The following TANGO6 variants were observed in gnomAD, a reference collection of about 807,000 sequenced individuals.
TANGO6 encodes the protein transport and Golgi organization protein 6 homolog.
A neutral mutation model predicts 114.2 loss-of-function variants in TANGO6; 90 were observed. That is an observed-to-expected ratio of 0.79 (90% CI 0.66 to 0.94). TANGO6 has a LOEUF of 0.94. Among genes scored for constraint, TANGO6 ranks in the 40% least tolerant of loss-of-function variants. The pLI, the probability that TANGO6 is intolerant of heterozygous loss-of-function variation, is 0.00. For missense variants in TANGO6, 1,274 were observed against 1,315.3 expected (o/e 0.97, Z 0.49); for synonymous variants, 477 against 509.8 (o/e 0.94, Z 0.87).
At chr16:69,054,940 C>CAAAA (rs35840863) in intron 17 of TANGO6, among the ~76,000 whole-genome samples, 3 of 68,904 alleles carry the variant, frequency 4.4e-5, no homozygotes, top group East Asian at 4.7e-4. Flanking sequence ...GACTCCGTCT[C>CAAAA]AAAAAAAAAA....
At chr16:68,959,660 C>T (rs1164177383) in intron 14 of TANGO6, among the ~76,000 whole-genome samples, 1 of 152,222 alleles carries the variant, frequency 6.6e-6, no homozygotes, top group African/African-American at 2.4e-5. Context: ...CACCTTGCCT[C>T]TGTCACTGGC....
chr16:68,898,267 G>A (rs996747921), intron 7 of TANGO6, among the ~76,000 whole-genome samples: 1 of 152,168 alleles, frequency 6.6e-6, no homozygotes, highest in Non-Finnish European at 1.5e-5. Context: ...TCATGCACAG[G>A]AAGCTGGCTC....
intron 17 of TANGO6, among the ~76,000 whole-genome samples, chr16:69,061,636 C>CA (rs1165083337): frequency 1.3e-5 from 2 of 152,110 alleles, no homozygotes; most frequent in Non-Finnish European, 2.9e-5. Flanking sequence ...TCCTTTAGTT[C>CA]ATCCCCTCTG....
rs75656653 is a variant in TANGO6 at position 69,007,746 on chromosome 16, A to T, written c.2843-15082A>T. On this transcript the variant is annotated intron_variant, in intron 15 of 17. Transcript: ENST00000261778. ...TTGAGGAACTGCCAAACTGTTTTCC[A>T]AAGTTTTCCATTTTACATTTTCACC... is the stretch of plus-strand genomic sequence containing the variant. Among the ~76,000 whole-genome samples, 778 of 152,124 alleles carry T rather than the reference A, an allele frequency of 5.1e-3. 9 individuals are homozygous for T. Among genetic ancestry groups the T allele is most frequent in the African/African-American group, 0.018 (750 of 41,396 alleles).
At chr16:68,977,846 C>A (rs557096128) in intron 15 of TANGO6, among the ~76,000 whole-genome samples, 17 of 151,522 alleles carry the variant, frequency 1.1e-4, no homozygotes, top group Non-Finnish European at 2.1e-4. Flanking sequence ...CCACCACGCC[C>A]GGCTAATTTT....
At chr16:69,082,421 G>C (rs1960478859) in intron 17 of TANGO6, among the ~76,000 whole-genome samples, 1 of 152,022 alleles carries the variant, frequency 6.6e-6, no homozygotes, top group South Asian at 2.1e-4. Context: ...GATTTTTAAA[G>C]TAGGGGCAAG....
At chr16:68,954,087 A>G (rs957939029) in intron 14 of TANGO6, among the ~76,000 whole-genome samples, 4 of 151,558 alleles carry the variant, frequency 2.6e-5, no homozygotes, top group African/African-American at 7.3e-5. Context: ...TAAAAATACA[A>G]AAAAAAAGAA....
At chr16:68,905,848 A>C (rs1469128367) in intron 9 of TANGO6, among the ~76,000 whole-genome samples, 1 of 151,660 alleles carries the variant, frequency 6.6e-6, no homozygotes, top group Non-Finnish European at 1.5e-5. Flanking sequence ...ACTCCAGCCT[A>C]GGCAATGAGT....
intron 14 of TANGO6, among the ~76,000 whole-genome samples, chr16:68,936,487 C>T (rs896220476): frequency 6.6e-6 from 1 of 152,098 alleles, no homozygotes; most frequent in Non-Finnish European, 1.5e-5. Flanking sequence ...TGCCCACCAC[C>T]ATGCCCGGCT....
At position 68,875,385 on chromosome 16, in the gene TANGO6, G is replaced by C. The variant is rs184389000; in HGVS notation, c.1131+95G>C. On this transcript the variant is annotated intron_variant, in intron 5 of 17. Transcript: ENST00000261778. ...TTCCTCTAGTATTGAGATAAAAGCAGTATAATATTTAAGTTTATTGTTTAG... is the reference window on the plus strand; with the variant it reads ...TTCCTCTAGTATTGAGATAAAAGCACTATAATATTTAAGTTTATTGTTTAG... 110 of 1,400,934 alleles carry C rather than the reference G, an allele frequency of 7.9e-5. 1 individual carries two copies. The East Asian group carries it at 1.2e-3, about 16-fold the overall frequency. The allele number at this position is 1,400,934 out of a possible 1,614,324, so 86.8% of individuals were successfully genotyped here. A position where few individuals can be genotyped will look rare whatever the true frequency, so the allele number is the denominator to read the frequency against.
chr16:68,908,942 A>C (rs1368924765), intron 10 of TANGO6, among the ~76,000 whole-genome samples: 1 of 152,194 alleles, frequency 6.6e-6, no homozygotes, highest in Non-Finnish European at 1.5e-5. Flanking sequence ...TTTTTCACTC[A>C]GTAGTGTTTT....
chr16:68,992,112 T>C (rs933672062), intron 15 of TANGO6, among the ~76,000 whole-genome samples: 1 of 152,168 alleles, frequency 6.6e-6, no homozygotes, highest in African/African-American at 2.4e-5. Flanking sequence ...CTTATAAATA[T>C]ATGAGTATCA....
intron 17 of TANGO6, among the ~76,000 whole-genome samples, chr16:69,043,132 A>G (rs1396564941): frequency 6.6e-6 from 1 of 152,162 alleles, no homozygotes; most frequent in African/African-American, 2.4e-5. Flanking sequence ...AGGCTGAGGC[A>G]GGAGAATCAC....
chr16:68,995,365 C>T (rs1963981957), intron 15 of TANGO6, among the ~76,000 whole-genome samples: 1 of 152,168 alleles, frequency 6.6e-6, no homozygotes, highest in Non-Finnish European at 1.5e-5. Flanking sequence ...GAAATCTATC[C>T]AGGGACTACC....
At chr16:68,991,342 A>C (rs1190798397) in intron 15 of TANGO6, among the ~76,000 whole-genome samples, 1 of 151,986 alleles carries the variant, frequency 6.6e-6, no homozygotes, top group Non-Finnish European at 1.5e-5. Context: ...TGGGCTGGGC[A>C]TGATGGCTCA....
Position 68,927,616 on chromosome 16 carries a change from G to T in TANGO6, c.2176G>T (p.Glu726Ter). 1 of 1,613,910 alleles carries T rather than the reference G, an allele frequency of 6.2e-7. No individual in the cohort carries two copies. The highest frequency in any genetic ancestry group is 2.2e-5 in the East Asian group (1 of 44,890). Reference protein sequence around the residue: ...AVLKQLLPLLEKVSNTYPDPV... With the variant: ...AVLKQLLPLL ...TCTGAAGCAGTTGTTGCCTCTGTTG[G>T]AGAAGGTATCCAACACATACCCTGA... The change falls in exon 13 of 18, where the codon GAG becomes TAG. Residue 726 changes from glutamate (E) to a stop codon, truncating the protein, a stop_gained. Coordinates refer to ENST00000261778, the MANE Select transcript of TANGO6 (RefSeq NM_024562.2). LOFTEE classifies it high-confidence loss of function.
chr16:68,947,315 A>T (rs1006066383), intron 14 of TANGO6, among the ~76,000 whole-genome samples: 3 of 151,990 alleles, frequency 2.0e-5, no homozygotes, highest in African/African-American at 4.8e-5. Flanking sequence ...TTGGCCAGGC[A>T]TGGTGGTGTG....
In TANGO6 at chr16:68,867,182, T is replaced by C. The variant is rs758705299; in HGVS notation, c.956T>C (p.Val319Ala). Reference sequence around the variant, plus strand: ...GAAAGGTTAATGAGACCTAATGGTGTTCAGGCAGTAGTCCGGGGCATTTTG... The same window carrying C: ...GAAAGGTTAATGAGACCTAATGGTGCTCAGGCAGTAGTCCGGGGCATTTTG... Reference protein sequence around the residue: ...LSERLMRPNGVQAVVRGILEG... With the variant: ...LSERLMRPNGAQAVVRGILEG... Residue 319 changes from valine (V) to alanine (A), a missense_variant, in exon 4 of 18, where the codon GTT becomes GCT. By Grantham distance (64) the Val-to-Ala change is moderately conservative. Around this residue, in one of 5 missense-constraint regions of TANGO6, gnomAD observed 908 missense variants for 910.2 expected, o/e 1.00. Transcript: ENST00000261778. 1.9e-6 allele frequency: 3 copies of C among 1,613,884 alleles called. No homozygotes were observed. The highest frequency in any genetic ancestry group is 2.5e-6 in the Non-Finnish European group (3 of 1,179,858).
intron 17 of TANGO6, among the ~76,000 whole-genome samples, chr16:69,052,936 T>C (rs1959975829): frequency 6.6e-6 from 1 of 151,900 alleles, no homozygotes; most frequent in Non-Finnish European, 1.5e-5. Flanking sequence ...CGGAGAAACC[T>C]CATCTCTCCT....
Sources: allele counts gnomAD v4.1 joint callset (sites outside exome capture counted in the v4.1 genomes callset), GRCh38; gene constraint gnomAD v4.1.1; regional missense constraint gnomAD v4.1.1; transcripts MANE v1.5; gene names NCBI Gene and HGNC (gene_info 2026-07-23, HGNC 2026-07-21).